EFNA1: variants seen among roughly 807,000 people sequenced by gnomAD.
EFNA1 encodes ephrin-A1.
Under a neutral mutation model 23.2 loss-of-function variants are expected in EFNA1, and 8 were observed. That is an observed-to-expected ratio of 0.34 (90% CI 0.20 to 0.62). The LOEUF is 0.62. EFNA1 is among the 20% of genes least tolerant of loss of function. The pLI, the probability that EFNA1 is intolerant of heterozygous loss-of-function variation, is 0.75. For synonymous variants in EFNA1, 89 were observed against 98.6 expected (o/e 0.90, Z 0.58); for missense variants, 217 against 260.0 (o/e 0.83, Z 1.14).
At chr1:155,132,740 G>A (rs983875818) in intron 2 of EFNA1, among the ~76,000 whole-genome samples, 4 of 151,556 alleles carry the variant, frequency 2.6e-5, no homozygotes, top group African/African-American at 4.8e-5. Flanking sequence ...TGAGGCAGGA[G>A]GATCGCTTGA....
In EFNA1 at chr1:155,134,296, G is replaced by A; in HGVS notation, c.*229G>A. ...CCCACCTTCACCTCGGAGGGATGGAGAAAGAAGTGGAGACAGTCCTTTCCC... is the reference window on the plus strand; with the variant it reads ...CCCACCTTCACCTCGGAGGGATGGAAAAAGAAGTGGAGACAGTCCTTTCCC... On this transcript the variant is annotated 3_prime_UTR_variant, in exon 5 of 5. Transcript: ENST00000368407. The A allele has an allele frequency of 1.8e-6, 1 of 570,124 alleles. No individual in the cohort carries two copies. Among genetic ancestry groups the A allele is most frequent in the Non-Finnish European group, 3.2e-6 (1 of 317,202 alleles). 35.3% of individuals were successfully genotyped at this position (570,124 alleles called of 1,614,324 possible).
At position 155,133,543 on chromosome 1, in the gene EFNA1, GA is replaced by G; in HGVS notation, c.431del (p.Lys144ArgfsTer2). The part of the protein sequence containing the change: ...HQHEDRCLRL[K>X]VTVSGKITHS... ...AGCATGAAGACCGCTGCTTGAGGTT[GA>G]AGGTGACTGTCAGTGGCAAAATCAG... is the stretch of plus-strand genomic sequence containing the variant. On this transcript the variant is annotated frameshift_variant, in exon 3 of 5. Coordinates refer to ENST00000368407, the MANE Select transcript of EFNA1 (RefSeq NM_004428.3). LOFTEE classifies it high-confidence loss of function. The G allele has an allele frequency of 6.2e-7, 1 of 1,614,030 alleles. No individual in the cohort carries two copies. The highest frequency in any genetic ancestry group is 8.5e-7 in the Non-Finnish European group (1 of 1,180,018).
intron 1 of EFNA1, chr1:155,130,906 A>G (rs1664227874): frequency 1.3e-5 from 13 of 985,380 alleles, no homozygotes; most frequent in Non-Finnish European, 1.6e-5. Context: ...CTGGATTCTG[A>G]TTACAGAATG....
intron 1 of EFNA1, chr1:155,130,830 GT>G (rs745362334): frequency 4.1e-6 from 4 of 985,304 alleles, no homozygotes; most frequent in Non-Finnish European, 4.8e-6. Flanking sequence ...TGTGAGAGGA[GT>G]AAGGAAAGTG....
At chr1:155,129,437 G>C (rs1664172667) in intron 1 of EFNA1, 1 of 152,090 alleles carries the variant, frequency 6.6e-6, no homozygotes, top group African/African-American at 2.4e-5. Flanking sequence ...TTCCCAGATG[G>C]GGAGCAAGAG....
chr1:155,127,964 C>G lies in EFNA1; in HGVS notation c.-14C>G. ...AGACCCGCGTCCCCGCTCGGCCTGG[C>G]CAGGCCCCGCGCTATGGAGTTCCTC... is the stretch of plus-strand genomic sequence containing the variant. On this transcript the variant is annotated 5_prime_UTR_variant, in exon 1 of 5. Transcript: ENST00000368407. The surrounding 1 kb of genome is among the most constrained non-coding windows in gnomAD (Gnocchi z 4.4). The G allele has an allele frequency of 6.2e-7, 1 of 1,609,962 alleles. No individual in the cohort carries two copies. Among genetic ancestry groups the G allele is most frequent in the South Asian group, 1.1e-5 (1 of 90,998 alleles).
rs1664350619 is a variant in EFNA1 at position 155,134,890 on chromosome 1, T to C, written c.*823T>C. 1 of 153,314 alleles carries C rather than the reference T, an allele frequency of 6.5e-6. No individual in the cohort carries two copies. The highest frequency in any genetic ancestry group is 2.4e-5 in the African/African-American group (1 of 41,462). The allele number at this position is 153,314 out of a possible 1,614,324, so 9.5% of individuals were successfully genotyped here. A position where few individuals can be genotyped will look rare whatever the true frequency, so the allele number is the denominator to read the frequency against. On this transcript the variant is annotated 3_prime_UTR_variant, in exon 5 of 5. Coordinates refer to ENST00000368407, the MANE Select transcript of EFNA1 (RefSeq NM_004428.3). The stretch of plus-strand genomic sequence containing the variant: ...TTCTGCCACTCCATATTAAAACATA[T>C]GACCATTGAGTCCCTGCTAAGTGCG...
chr1:155,129,146 T>C (rs958426189), intron 1 of EFNA1, among the ~76,000 whole-genome samples: 1 of 152,212 alleles, frequency 6.6e-6, no homozygotes, highest in African/African-American at 2.4e-5. Context: ...AATGCCCTCC[T>C]GCCCATGGAC....
At chr1:155,131,746 T>G (rs1395617638) in intron 2 of EFNA1, 112 bp downstream of exon 2, 5 of 1,226,652 alleles carry the variant, frequency 4.1e-6, no homozygotes, top group Non-Finnish European at 3.4e-6. Context: ...CGATCTTGAA[T>G]TCTATTTTCA....
intron 1 of EFNA1, among the ~76,000 whole-genome samples, chr1:155,130,090 T>C (rs1404964715): frequency 1.3e-5 from 2 of 152,072 alleles, no homozygotes; most frequent in East Asian, 3.9e-4. Flanking sequence ...AGGGGCCTGG[T>C]AAGCCCAGTT....
Position 155,131,236 on chromosome 1 carries a change from G to A in EFNA1, c.93-103G>A. The A allele has an allele frequency of 1.4e-6, 2 of 1,452,362 alleles. 1 individual carries two copies. The highest frequency in any genetic ancestry group is 2.6e-5 in the South Asian group (2 of 75,512). 90.0% of individuals were successfully genotyped at this position (1,452,362 alleles called of 1,614,324 possible). ...TGAAACTTCGGAAAAATCTCTTGGG[G>A]TCCAGTGTGAAATGTGAGAGGTCAT... On this transcript the variant is annotated intron_variant, in intron 1 of 4. Coordinates refer to ENST00000368407, the MANE Select transcript of EFNA1 (RefSeq NM_004428.3).
At position 155,130,671 on chromosome 1, in the gene EFNA1, C is replaced by T. The variant is rs6665822; in HGVS notation, c.93-668C>T. On this transcript the variant is annotated intron_variant, in intron 1 of 4. Coordinates refer to ENST00000368407, the MANE Select transcript of EFNA1 (RefSeq NM_004428.3). ...AGTGTATAACTTTGAGTAGCTAGAACGGGAAGATTTGAGGGGGCTGAATGA... is the reference window on the plus strand; with the variant it reads ...AGTGTATAACTTTGAGTAGCTAGAATGGGAAGATTTGAGGGGGCTGAATGA... The T allele has an allele frequency of 1.5e-5, 15 of 984,810 alleles. No individual in the cohort carries two copies. In the South Asian group the frequency reaches 1.9e-4, roughly 12 times the overall value. 61.0% of individuals were successfully genotyped at this position (984,810 alleles called of 1,614,324 possible).
intron 2 of EFNA1, among the ~76,000 whole-genome samples, chr1:155,132,448 A>G (rs1228324656): frequency 6.6e-6 from 1 of 151,580 alleles, no homozygotes; most frequent in Non-Finnish European, 1.5e-5. Context: ...GGGTTTCACC[A>G]TGTTGGTCAG....
chr1:155,133,735 A>G lies in EFNA1; in HGVS notation c.460A>G (p.Ser154Gly), dbSNP rs1476226765. Residue 154 changes from serine to glycine, a missense_variant, in exon 4 of 5, where the codon AGT becomes GGT. Coordinates refer to ENST00000368407, the MANE Select transcript of EFNA1 (RefSeq NM_004428.3). Reference sequence around the variant, plus strand: ...CTACCACTCTTGTCTTTCAGCTCACAGTCCTCAGGCCCATGACAATCCACA... The same window carrying G: ...CTACCACTCTTGTCTTTCAGCTCACGGTCCTCAGGCCCATGACAATCCACA... Reference protein sequence around the residue: ...KVTVSGKITHSPQAHDNPQEK... With the variant: ...KVTVSGKITHGPQAHDNPQEK... The G allele has an allele frequency of 4.3e-6, 7 of 1,614,002 alleles. No individual in the cohort carries two copies. The highest frequency in any genetic ancestry group is 5.1e-6 in the Non-Finnish European group (6 of 1,180,002).
Position 155,134,387 on chromosome 1 carries a change from G to C in EFNA1, c.*320G>C. 2.6e-6 allele frequency: 1 copy of C among 383,336 alleles called. No individual in the cohort carries two copies. The highest frequency in any genetic ancestry group is 2.6e-5 in the South Asian group (1 of 38,762). The allele number at this position is 383,336 out of a possible 1,614,324, so 23.7% of individuals were successfully genotyped here. ...CATGGTCCCTTAAGGCACAGTGGGA[G>C]CTGAGCTGGAAGGGGCCACGTGGAT... On this transcript the variant is annotated 3_prime_UTR_variant, in exon 5 of 5. Coordinates refer to ENST00000368407, the MANE Select transcript of EFNA1 (RefSeq NM_004428.3).
At chr1:155,133,895 A>G (rs1664305190) in intron 4 of EFNA1, 60 bp from the exon 5 acceptor site, 10 of 1,605,786 alleles carry the variant, frequency 6.2e-6, no homozygotes, top group African/African-American at 1.3e-5. Context: ...TGTTGGGCTG[A>G]GAGCCAGTAC....
intron 4 of EFNA1, 53 bp downstream of exon 4, chr1:155,133,833 G>C: frequency 6.2e-7 from 1 of 1,611,376 alleles, no homozygotes; most frequent in Non-Finnish European, 8.5e-7. Flanking sequence ...TCTGCTTGAA[G>C]AGGTTGGGTA....
At chr1:155,131,750 A>G (rs1169014486) in intron 2 of EFNA1, 116 bp downstream of exon 2, 6 of 1,167,020 alleles carry the variant, frequency 5.1e-6, no homozygotes, top group South Asian at 1.5e-5. Context: ...CTTGAATTCT[A>G]TTTTCATTCA....
intron 4 of EFNA1, 53 bp from the exon 5 acceptor site, chr1:155,133,902 G>A: frequency 6.2e-7 from 1 of 1,606,740 alleles, no homozygotes; most frequent in Non-Finnish European, 8.5e-7. Flanking sequence ...CTGAGAGCCA[G>A]TACAAATAGT....
Sources: allele counts gnomAD v4.1 joint callset (sites outside exome capture counted in the v4.1 genomes callset), GRCh38; gene constraint gnomAD v4.1.1; non-coding constraint Gnocchi (gnomAD v3.1); transcripts MANE v1.5; gene names NCBI Gene and HGNC (gene_info 2026-07-23, HGNC 2026-07-21).